Variants in DDX18 observed in about 807,000 individuals in gnomAD.
The protein encoded by DDX18 is DEAD-box helicase 18, also known as ATP-dependent RNA helicase DDX18.
DDX18 carries 23 observed loss-of-function variants against 73.5 expected under a neutral mutation model. That is an observed-to-expected ratio of 0.31 (90% confidence interval 0.23 to 0.44). The LOEUF (loss-of-function observed/expected upper bound fraction) is 0.44. DDX18 is among the 20% of genes least tolerant of loss of function. The probability of loss-of-function intolerance (pLI) is 1.00; values close to 1 mark genes in which losing one functional copy is unlikely to be tolerated. For synonymous variants in DDX18, 268 were observed against 282.7 expected (o/e 0.95, Z 0.52); for missense variants, 753 against 792.9 (o/e 0.95, Z 0.60).
chr2:117,824,395 T>C, intron 7 of DDX18, 174 bp from the exon 8 acceptor site: 1 of 525,318 alleles, frequency 1.9e-6, no homozygotes, highest in Non-Finnish European at 2.9e-6. Flanking sequence ...GTCCTCAAAT[T>C]TATAGACCTA....
chr2:117,818,258 G>GGT (rs1408986198), intron 2 of DDX18, among the ~76,000 whole-genome samples: 1 of 152,148 alleles, frequency 6.6e-6, no homozygotes, highest in Non-Finnish European at 1.5e-5. Context: ...GAGATATCAA[G>GGT]GTAGGATAAG....
intron 2 of DDX18, 86 bp downstream of exon 2, chr2:117,817,814 T>G: frequency 8.0e-6 from 11 of 1,369,996 alleles, no homozygotes; most frequent in Middle Eastern, 1.9e-4. Context: ...TGTGTGCACA[T>G]GACATGAGAA....
intron 10 of DDX18, 105 bp downstream of exon 10, chr2:117,825,704 C>T (rs1679914829): frequency 1.5e-6 from 2 of 1,351,786 alleles, no homozygotes; most frequent in Non-Finnish European, 2.0e-6. Flanking sequence ...AGGTAAAGAT[C>T]CCTACTATAC....
intron 1 of DDX18, chr2:117,815,208 C>T (rs2104617738): frequency 7.4e-6 from 2 of 269,776 alleles, no homozygotes; most frequent in Admixed American, 5.3e-5. Flanking sequence ...CACCTCATCC[C>T]TCATTTCCGG....
At chr2:117,818,500 C>T (rs1254562870) in intron 2 of DDX18, among the ~76,000 whole-genome samples, 1 of 152,164 alleles carries the variant, frequency 6.6e-6, no homozygotes, top group Non-Finnish European at 1.5e-5. Flanking sequence ...GGACTTTGAA[C>T]TTTTCCAAAC....
In DDX18 at chr2:117,830,704, A is replaced by G; in HGVS notation, c.1993A>G (p.Ser665Gly). ...ACACATTAGCAAGAAATCATCTGAC[A>G]GCAGGCAGTTCTCTCACTGAACACA... ...FKHISKKSSD[S>G]RQFSH Residue 665 changes from serine (S) to glycine (G), a missense_variant, in exon 14 of 14, where the codon AGC becomes GGC. By Grantham distance (56) the Ser-to-Gly change is moderately conservative. Around this residue, in one of 3 missense-constraint regions of DDX18, gnomAD observed 402 missense variants for 419.4 expected, o/e 0.96. Coordinates refer to ENST00000263239, the MANE Select transcript of DDX18 (RefSeq NM_006773.4). 6.2e-7 allele frequency: 1 copy of G among 1,613,650 alleles called. No homozygotes were observed. The highest frequency in any genetic ancestry group is 8.5e-7 in the Non-Finnish European group (1 of 1,179,740).
At chr2:117,819,269 A>G (rs1390003167) in intron 2 of DDX18, among the ~76,000 whole-genome samples, 7 of 152,202 alleles carry the variant, frequency 4.6e-5, no homozygotes, top group South Asian at 4.1e-4. Context: ...TTTACAGTCT[A>G]TCTCTAGTAA....
chr2:117,817,797 T>A (rs1319654722), intron 2 of DDX18, 69 bp downstream of exon 2: 1 of 1,481,362 alleles, frequency 6.8e-7, no homozygotes. Flanking sequence ...CCTCTTTCTA[T>A]TACTATTGTG....
chr2:117,821,844 A>G lies in DDX18; in HGVS notation c.752-18A>G. 6.2e-7 allele frequency: 1 copy of G among 1,613,834 alleles called. No individual in the cohort carries two copies. Among genetic ancestry groups the G allele is most frequent in the Non-Finnish European group, 8.5e-7 (1 of 1,179,814 alleles). On this transcript the variant is annotated intron_variant, in intron 5 of 13. Transcript: ENST00000263239. Reference sequence around the variant, plus strand: ...TGGTGACAGCCACATTTAGACTTCTACCATATATCATTTTTAGGAACAGGA... The same window carrying G: ...TGGTGACAGCCACATTTAGACTTCTGCCATATATCATTTTTAGGAACAGGA...
chr2:117,815,149 G>T, intron 1 of DDX18: 3 of 398,896 alleles, frequency 7.5e-6, no homozygotes, highest in South Asian at 7.1e-5. Flanking sequence ...CCTGCCTTTT[G>T]CATTTCCACC....
chr2:117,824,320 CTATT>C (rs1440040652), intron 7 of DDX18: 2 of 311,880 alleles, frequency 6.4e-6, no homozygotes, highest in East Asian at 1.0e-4. Flanking sequence ...AGATATAAGG[CTATT>C]TAAAGTTTTC....
chr2:117,826,561 G>T, intron 11 of DDX18, 179 bp downstream of exon 11: 1 of 614,740 alleles, frequency 1.6e-6, no homozygotes, highest in Non-Finnish European at 2.9e-6. Flanking sequence ...AGAAGGAACT[G>T]CCCACATGGC....
At position 117,822,018 on chromosome 2, in the gene DDX18, A is replaced by G. The variant is rs777165484; in HGVS notation, c.908A>G (p.Asn303Ser). 9 of 1,614,082 alleles carry G rather than the reference A, an allele frequency of 5.6e-6. No homozygotes were observed. The highest frequency in any genetic ancestry group is 2.2e-5 in the East Asian group (1 of 44,870). The stretch of plus-strand genomic sequence containing the variant: ...GCACAGAAACTTGGTAATGGGATCA[A>G]CATCATTGTGGCCACACCAGGCCGT... ...AEAQKLGNGI[N>S]IIVATPGRLL... The change falls in exon 6 of 14, where the codon AAC becomes AGC. Residue 303 changes from asparagine to serine, a missense_variant. Physicochemically the swap from Asn to Ser is conservative, Grantham distance 46 (BLOSUM62 1). This residue lies in a region of DDX18 where 345 missense variants were observed against 352.0 expected (regional missense o/e 0.98). Coordinates refer to ENST00000263239, the MANE Select transcript of DDX18 (RefSeq NM_006773.4).
rs1680007214 is a variant in DDX18, at chr2:117,830,644, A to G, written c.1933A>G (p.Lys645Glu). 1 of 1,613,914 alleles carries G rather than the reference A, an allele frequency of 6.2e-7. No homozygotes were observed. The highest frequency in any genetic ancestry group is 8.5e-7 in the Non-Finnish European group (1 of 1,179,834). ...RGGGGGFGYQ[K>E]TKKVEKSKIF... ...AGGTGGTGGTGGATTTGGCTACCAG[A>G]AAACCAAGAAAGTTGAGAAATCCAA... The change falls in exon 14 of 14, where the codon AAA becomes GAA. Residue 645 changes from lysine to glutamate, a missense_variant. Around this residue, in one of 3 missense-constraint regions of DDX18, gnomAD observed 402 missense variants for 419.4 expected, o/e 0.96. Coordinates refer to ENST00000263239, the MANE Select transcript of DDX18 (RefSeq NM_006773.4).
rs1558735777 is a variant in DDX18 at position 117,830,679 on chromosome 2, A to G, written c.1968A>G (p.Lys656=). The G allele has an allele frequency of 6.2e-7, 1 of 1,613,780 alleles. No individual in the cohort carries two copies. ...AAGTTGAGAAATCCAAAATCTTTAA[A>G]CACATTAGCAAGAAATCATCTGACA... ...TKKVEKSKIF[K]HISKKSSDSR... Residue 656 remains lysine (K), a synonymous_variant, in exon 14 of 14, where the codon AAA becomes AAG. Coordinates refer to ENST00000263239, the MANE Select transcript of DDX18 (RefSeq NM_006773.4).
chr2:117,817,772 C>G, intron 2 of DDX18, 44 bp downstream of exon 2: 1 of 1,545,808 alleles, frequency 6.5e-7, no homozygotes, highest in South Asian at 1.3e-5. Context: ...TAGTTTTTCA[C>G]AGACGGTTAT....
rs1471653359 is a variant in DDX18 at position 117,825,605 on chromosome 2, T to C, written c.1521+6T>C. 1 of 1,609,938 alleles carries C rather than the reference T, an allele frequency of 6.2e-7. No homozygotes were observed. The highest frequency in any genetic ancestry group is 2.2e-5 in the East Asian group (1 of 44,804). ...ACCCTCCGGATGACCCTAAGGTAAC[T>C]GGCATCTTTGGAATATCTTCAGAAT... On this transcript the variant is annotated splice_donor_region_variant and intron_variant, in intron 10 of 13. Transcript: ENST00000263239.
chr2:117,819,812 C>G lies in DDX18; in HGVS notation c.514+20C>G, dbSNP rs749133358. The G allele has an allele frequency of 1.9e-6, 3 of 1,541,650 alleles. No individual in the cohort carries two copies. The East Asian group carries it at 7.1e-5, about 36-fold the overall frequency. On this transcript the variant is annotated intron_variant, in intron 3 of 13. Coordinates refer to ENST00000263239, the MANE Select transcript of DDX18 (RefSeq NM_006773.4). ...TGACAGGTAACGTCCAGGAAGTTTT[C>G]TAGAGGTAACTTCTTTAAAATGTGC...
intron 9 of DDX18, 57 bp downstream of exon 9, chr2:117,825,158 T>TC: frequency 6.5e-7 from 1 of 1,541,866 alleles, no homozygotes; most frequent in Non-Finnish European, 8.8e-7. Context: ...ATCCTATAGA[T>TC]TGTAGGATTG....
Sources: allele counts gnomAD v4.1 joint callset (sites outside exome capture counted in the v4.1 genomes callset), GRCh38; gene constraint gnomAD v4.1.1; regional missense constraint gnomAD v4.1.1; transcripts MANE v1.5; gene names NCBI Gene and HGNC (gene_info 2026-07-23, HGNC 2026-07-21).